RUNX2: variants seen among roughly 807,000 people sequenced by gnomAD.
RUNX2 encodes RUNX family transcription factor 2.
Under a neutral mutation model 51.7 loss-of-function variants are expected in RUNX2, and 10 were observed. The ratio of observed to expected loss-of-function variants is 0.19; its 90% CI spans 0.12 to 0.33. The LOEUF (loss-of-function observed/expected upper bound fraction) is 0.33, where lower values mean the gene tolerates loss of function less well. Ranked by LOEUF, RUNX2 falls within the 10% of genes least tolerant of loss-of-function variation. RUNX2 has a pLI of 1.00. For missense variants in RUNX2, 562 were observed against 691.3 expected, an observed-to-expected ratio of 0.81 and a Z score of 2.10; for synonymous variants, 276 against 273.6, an observed-to-expected ratio of 1.01 and a Z score of -0.09.
chr6:45,464,938 T>C (rs976939145), intron 5 of RUNX2, among the ~76,000 whole-genome samples: 4 of 152,212 alleles, frequency 2.6e-5, no homozygotes, highest in African/African-American at 9.6e-5. Flanking sequence ...ATATGGCCAG[T>C]TCACTGCTTT....
At chr6:45,455,559 T>C (rs905962894) in intron 5 of RUNX2, among the ~76,000 whole-genome samples, 122 of 152,198 alleles carry the variant, frequency 8.0e-4, no homozygotes, top group African/African-American at 2.8e-3. Context: ...AGAGTCTAAC[T>C]TGAAAGGGCC....
chr6:45,395,274 T>C (rs1797557163), intron 2 of RUNX2, among the ~76,000 whole-genome samples: 3 of 152,180 alleles, frequency 2.0e-5, no homozygotes, highest in South Asian at 4.1e-4. Flanking sequence ...ACATGTCACA[T>C]TGGAAACTGG....
At chr6:45,535,791 G>C (rs1246965050) in intron 7 of RUNX2, among the ~76,000 whole-genome samples, 4 of 151,954 alleles carry the variant, frequency 2.6e-5, no homozygotes, top group African/African-American at 9.7e-5. Flanking sequence ...GGGGCTAGTG[G>C]GATACTAAGG....
intron 5 of RUNX2, among the ~76,000 whole-genome samples, chr6:45,450,054 G>A (rs1472880430): frequency 6.6e-6 from 1 of 152,186 alleles, no homozygotes; most frequent in Non-Finnish European, 1.5e-5. Context: ...AACAGAAGTT[G>A]GGGAAATAAC....
chr6:45,357,820 A>G (rs985384266), intron 2 of RUNX2, among the ~76,000 whole-genome samples: 11 of 152,312 alleles, frequency 7.2e-5, no homozygotes, highest in Admixed American at 6.5e-4. Context: ...ATATTCAATT[A>G]CACATGCTGA....
intron 3 of RUNX2, among the ~76,000 whole-genome samples, chr6:45,424,495 G>T (rs1026467854): frequency 2.0e-5 from 3 of 152,130 alleles, no homozygotes; most frequent in Non-Finnish European, 4.4e-5. Flanking sequence ...GGTCCCCTGG[G>T]TTCTGAGGTC....
At chr6:45,457,608 C>A (rs1799351575) in intron 5 of RUNX2, among the ~76,000 whole-genome samples, 1 of 152,094 alleles carries the variant, frequency 6.6e-6, no homozygotes, top group African/African-American at 2.4e-5. Flanking sequence ...CCTTAAGCTA[C>A]TAAAAGTCTA....
chr6:45,365,100 T>C, intron 2 of RUNX2: 1 of 763,362 alleles, frequency 1.3e-6, no homozygotes, highest in Admixed American at 3.0e-5. Context: ...TAATAACAAA[T>C]TATTTCCAAG....
chr6:45,404,711 A>T (rs1471085235), intron 2 of RUNX2, among the ~76,000 whole-genome samples: 1 of 152,264 alleles, frequency 6.6e-6, no homozygotes, highest in African/African-American at 2.4e-5. Flanking sequence ...TTACCAAAAA[A>T]GTATATTAGA....
chr6:45,386,147 A>G (rs1320465850), intron 2 of RUNX2, among the ~76,000 whole-genome samples: 1 of 149,636 alleles, frequency 6.7e-6, no homozygotes, highest in African/African-American at 2.5e-5. Context: ...GGCTCACTGC[A>G]ACCTCCGCCT....
intron 7 of RUNX2, among the ~76,000 whole-genome samples, chr6:45,540,545 A>G (rs889469470): frequency 2.6e-5 from 4 of 152,152 alleles, no homozygotes; most frequent in Non-Finnish European, 5.9e-5. Flanking sequence ...AAACTCATCT[A>G]TAGAACTCAT....
intron 5 of RUNX2, among the ~76,000 whole-genome samples, chr6:45,448,558 C>T (rs190180301): frequency 1.6e-4 from 24 of 152,178 alleles, no homozygotes; most frequent in Non-Finnish European, 2.8e-4. Flanking sequence ...CCAGTGCTGG[C>T]TCGGTGTGTG....
intron 2 of RUNX2, among the ~76,000 whole-genome samples, chr6:45,401,757 C>A (rs753586717): frequency 1.3e-5 from 2 of 152,234 alleles, no homozygotes; most frequent in Non-Finnish European, 2.9e-5. Context: ...AATGCCAGTA[C>A]ATCTTCCTAA....
chr6:45,412,127 C>T (rs1049455733), intron 2 of RUNX2, among the ~76,000 whole-genome samples: 2 of 149,802 alleles, frequency 1.3e-5, no homozygotes, highest in African/African-American at 4.9e-5. Context: ...GCCAGAAAAT[C>T]GCTTGAGGCC....
chr6:45,546,274 C>T (rs1802397595), intron 8 of RUNX2, among the ~76,000 whole-genome samples: 1 of 151,932 alleles, frequency 6.6e-6, no homozygotes, highest in African/African-American at 2.4e-5. Context: ...AGACCTCTGA[C>T]AAGATTTTAA....
At chr6:45,464,528 C>G (rs2790103) in intron 5 of RUNX2, among the ~76,000 whole-genome samples, 2 of 151,944 alleles carry the variant, frequency 1.3e-5, no homozygotes, top group Non-Finnish European at 2.9e-5. Context: ...CTATCTACAG[C>G]GGCCCTTGGG....
At chr6:45,333,657 A>G (rs1787964224) in intron 2 of RUNX2, among the ~76,000 whole-genome samples, 1 of 151,432 alleles carries the variant, frequency 6.6e-6, no homozygotes, top group Non-Finnish European at 1.5e-5. Context: ...ATCATTTTTT[A>G]TATCATTTAA....
chr6:45,370,373 C>A (rs1280456410), intron 2 of RUNX2, among the ~76,000 whole-genome samples: 5 of 151,738 alleles, frequency 3.3e-5, no homozygotes, highest in Non-Finnish European at 7.4e-5. Context: ...TTACTGAGAT[C>A]CAGAAGACTG....
In RUNX2 at chr6:45,365,048, G is replaced by A. The variant is rs73735390; in HGVS notation, c.58+36264G>A. ...TTTAACCAATTTTGCCTCTACATAT[G>A]GCAATTTAAAATGTTACCACAGTAT... On this transcript the variant is annotated intron_variant, in intron 2 of 8. Transcript: ENST00000647337. Among the ~76,000 whole-genome samples the A allele has an allele frequency of 7.2e-3, 1,095 of 152,076 alleles. 19 individuals carry two copies. The highest frequency in any genetic ancestry group is 0.025 in the African/African-American group (1,043 of 41,480).
Sources: gnomAD v4.1 joint callset for allele counts (sites outside exome capture counted in the v4.1 genomes callset) on GRCh38, gnomAD v4.1.1 for gene constraint, MANE v1.5 for transcripts, NCBI Gene and HGNC (gene_info 2026-07-23, HGNC 2026-07-21) for gene names.